The following DDHD1 variants were observed in gnomAD, a reference collection of about 807,000 sequenced individuals.
DDHD1 encodes phospholipase DDHD1.
Under a neutral mutation model 96.4 loss-of-function variants are expected in DDHD1, and 49 were observed. That is an observed-to-expected ratio of 0.51 (90% CI 0.40 to 0.64). The LOEUF (loss-of-function observed/expected upper bound fraction) is 0.64. Ranked by LOEUF, DDHD1 falls within the 30% of genes least tolerant of loss-of-function variation. The probability of loss-of-function intolerance (pLI) is 0.00; values close to 1 mark genes in which losing one functional copy is unlikely to be tolerated. For synonymous variants in DDHD1, 442 were observed against 446.5 expected (o/e 0.99, Z 0.13); for missense variants, 1,106 against 1,161.2 (o/e 0.95, Z 0.69).
chr14:53,134,135 C>A (rs190114763), intron 1 of DDHD1, among the ~76,000 whole-genome samples: 1 of 152,292 alleles, frequency 6.6e-6, no homozygotes, highest in South Asian at 2.1e-4. Context: ...CAGGGCTTTA[C>A]GCAGTCACTC....
intron 1 of DDHD1, among the ~76,000 whole-genome samples, chr14:53,141,137 C>A (rs1329537458): frequency 6.6e-6 from 1 of 152,144 alleles, no homozygotes. Context: ...TATCCTTCTC[C>A]TCACTGACAA....
rs557024302 is a variant in DDHD1 at position 53,093,338 on chromosome 14, G to A, written c.1119C>T (p.Thr373=). Residue 373 remains threonine, a synonymous_variant, in exon 3 of 13, where the codon ACC becomes ACT. Transcript: ENST00000673822. ...TACCTTTAGAAAATCCCAGTTTTTG[G>A]GTAACTGTTCTTGCAATTTTAGATG... ...ATTSKIARTV[T]QKLGFSKASS... 141 of 1,610,308 alleles carry A rather than the reference G, an allele frequency of 8.8e-5. 1 individual carries two copies. The South Asian group carries it at 1.5e-3, about 17-fold the overall frequency.
intron 1 of DDHD1, among the ~76,000 whole-genome samples, chr14:53,124,320 C>A (rs1280177484): frequency 2.6e-5 from 4 of 151,764 alleles, no homozygotes; most frequent in Middle Eastern, 3.4e-3. Flanking sequence ...AACTTAGGAT[C>A]TAGCATCAAA....
intron 1 of DDHD1, among the ~76,000 whole-genome samples, chr14:53,105,418 T>C (rs1887614466): frequency 6.6e-6 from 1 of 152,164 alleles, no homozygotes; most frequent in Non-Finnish European, 1.5e-5. Flanking sequence ...CTATTGCTAC[T>C]TGCATTCTCC....
chr14:53,101,400 G>A (rs982304431), intron 2 of DDHD1, among the ~76,000 whole-genome samples: 6 of 152,012 alleles, frequency 3.9e-5, no homozygotes, highest in Non-Finnish European at 8.8e-5. Context: ...ACAAAGATAT[G>A]TTCAGTTGAA....
At chr14:53,116,373 A>C (rs561940902) in intron 1 of DDHD1, among the ~76,000 whole-genome samples, 45 of 152,340 alleles carry the variant, frequency 3.0e-4, no homozygotes, top group African/African-American at 1.1e-3. Context: ...GACCAAGATG[A>C]CCTAATAGAC....
At chr14:53,126,760 T>A (rs1433767148) in intron 1 of DDHD1, among the ~76,000 whole-genome samples, 1 of 152,226 alleles carries the variant, frequency 6.6e-6, no homozygotes, top group Non-Finnish European at 1.5e-5. Flanking sequence ...ATCTTTTTTT[T>A]TACCTAGTAA....
At chr14:53,111,754 A>C (rs11157946) in intron 1 of DDHD1, among the ~76,000 whole-genome samples, 111,316 of 152,058 alleles carry the variant, frequency 0.73, 43,565 homozygotes, top group East Asian at 0.96. Flanking sequence ...ACAGAAATAC[A>C]AGGTTTCAGC....
intron 4 of DDHD1, among the ~76,000 whole-genome samples, chr14:53,080,717 CTTTT>C (rs1555334173): frequency 1.1e-5 from 1 of 89,538 alleles, no homozygotes. Context: ...TTCCTTCCCC[CTTTT>C]TTTTTTTTTT....
chr14:53,136,234 G>C (rs1321992083), intron 1 of DDHD1, among the ~76,000 whole-genome samples: 1 of 151,880 alleles, frequency 6.6e-6, no homozygotes, highest in Non-Finnish European at 1.5e-5. Context: ...CTCTCTTTTC[G>C]GACTCAGCCC....
intron 2 of DDHD1, among the ~76,000 whole-genome samples, chr14:53,099,420 G>A (rs1467520762): frequency 6.6e-6 from 1 of 152,062 alleles, no homozygotes; most frequent in Non-Finnish European, 1.5e-5. Context: ...AGTCTATTCT[G>A]TGACAAATTC....
At chr14:53,121,445 G>C (rs984206670) in intron 1 of DDHD1, among the ~76,000 whole-genome samples, 2 of 152,136 alleles carry the variant, frequency 1.3e-5, no homozygotes, top group African/African-American at 4.8e-5. Flanking sequence ...ATACCCAAAG[G>C]ATTATAAATC....
chr14:53,081,861 A>G (rs898994087), intron 4 of DDHD1, among the ~76,000 whole-genome samples: 11 of 152,184 alleles, frequency 7.2e-5, no homozygotes, highest in African/African-American at 2.7e-4. Context: ...TTAAGAAAAA[A>G]AAGAAAAGGA....
At chr14:53,058,739 A>G in intron 8 of DDHD1, 113 bp from the exon 9 acceptor site, 7 of 975,564 alleles carry the variant, frequency 7.2e-6, no homozygotes, top group Non-Finnish European at 8.9e-6. Context: ...ATCTTTGAGT[A>G]TATTCGTTTT....
chr14:53,062,188 T>C (rs1883641547), intron 7 of DDHD1, among the ~76,000 whole-genome samples: 1 of 152,102 alleles, frequency 6.6e-6, no homozygotes, highest in African/African-American at 2.4e-5. Flanking sequence ...GACACTATAA[T>C]ATTTGTGTGT....
intron 1 of DDHD1, among the ~76,000 whole-genome samples, chr14:53,116,862 T>G (rs147674651): frequency 6.6e-6 from 1 of 151,854 alleles, no homozygotes; most frequent in South Asian, 2.1e-4. Flanking sequence ...AAGCAAGAAA[T>G]AGAGCAGAAC....
rs1369290547 is a variant in DDHD1 at position 53,055,646 on chromosome 14, A to T, written c.2245+14T>A. On this transcript the variant is annotated intron_variant, in intron 10 of 12. Transcript: ENST00000673822. ...GCTTATATGCATAGATAAGGAATAC[A>T]TAAGAGAAATTACCTAATATGCTTG... is the stretch of plus-strand genomic sequence containing the variant. 4.3e-6 allele frequency: 7 copies of T among 1,612,886 alleles called. No individual in the cohort carries two copies. The highest frequency in any genetic ancestry group is 5.1e-6 in the Non-Finnish European group (6 of 1,178,952).
intron 1 of DDHD1, among the ~76,000 whole-genome samples, chr14:53,126,330 A>T (rs1007099525): frequency 5.3e-5 from 8 of 152,236 alleles, no homozygotes; most frequent in Non-Finnish European, 1.2e-4. Flanking sequence ...AAACATTTTC[A>T]TTATAATACA....
chr14:53,079,172 T>C (rs1885226056), intron 4 of DDHD1, among the ~76,000 whole-genome samples: 1 of 152,224 alleles, frequency 6.6e-6, no homozygotes, highest in African/African-American at 2.4e-5. Flanking sequence ...CTTTTCCTTA[T>C]GATGCTTTCA....
Sources: allele counts gnomAD v4.1 joint callset (sites outside exome capture counted in the v4.1 genomes callset), GRCh38; gene constraint gnomAD v4.1.1; transcripts MANE v1.5; gene names NCBI Gene and HGNC (gene_info 2026-07-23, HGNC 2026-07-21).